The following BTNL3 variants were observed in gnomAD, a reference collection of about 807,000 sequenced individuals.
BTNL3 encodes butyrophilin like 3, also known as butyrophilin-like protein 3.
Under a neutral mutation model 40.1 loss-of-function variants are expected in BTNL3, and 20 were observed. The ratio of observed to expected loss-of-function variants is 0.50; its 90% CI spans 0.35 to 0.72. BTNL3 has a LOEUF of 0.72. BTNL3 is among the 30% of genes least tolerant of loss of function. The pLI, the probability that BTNL3 is intolerant of heterozygous loss-of-function variation, is 0.01. For synonymous variants in BTNL3, 179 were observed against 222.1 expected (o/e 0.81, Z 1.73); for missense variants, 449 against 582.2 (o/e 0.77, Z 2.35).
At chr5:180,994,786 T>C (rs1460716963) in intron 2 of BTNL3, among the ~76,000 whole-genome samples, 1 of 134,236 alleles carries the variant, frequency 7.4e-6, no homozygotes, top group African/African-American at 2.6e-5. Context: ...TCAATAATTT[T>C]TTTTTTTTTT....
intron 3 of BTNL3, among the ~76,000 whole-genome samples, chr5:180,999,459 T>C (rs1409183430): frequency 7.3e-6 from 1 of 136,850 alleles, no homozygotes; most frequent in East Asian, 2.2e-4. Context: ...TTGAATAACT[T>C]TTTCCTTTTC....
intron 3 of BTNL3, among the ~76,000 whole-genome samples, chr5:181,001,835 A>C (rs1760115350): frequency 9.6e-6 from 1 of 104,078 alleles, no homozygotes; most frequent in African/African-American, 3.6e-5. Context: ...ACAGAGCGAG[A>C]CTCTGTCTCA....
chr5:180,997,498 G>A lies in BTNL3; in HGVS notation c.673+10G>A. 6.8e-7 allele frequency: 1 copy of A among 1,463,414 alleles called. No individual in the cohort carries two copies. Among genetic ancestry groups the A allele is most frequent in the Non-Finnish European group, 9.4e-7 (1 of 1,058,984 alleles). 90.7% of individuals were successfully genotyped at this position (1,463,414 alleles called of 1,614,324 possible). On this transcript the variant is annotated intron_variant, in intron 3 of 7. Coordinates refer to ENST00000342868, the MANE Select transcript of BTNL3 (RefSeq NM_197975.3). ...AAGGTATTGATAGGAGGTGAGTGGG[G>A]AGAAGGAGGAGCAAGGAATGGGTGT...
At position 180,997,522 on chromosome 5, in the gene BTNL3, G is replaced by A; in HGVS notation, c.673+34G>A. 8 of 1,461,664 alleles carry A rather than the reference G, an allele frequency of 5.5e-6. 2 individuals are homozygous for A. The highest frequency in any genetic ancestry group is 1.1e-5 in the South Asian group (1 of 88,856). 90.5% of individuals were successfully genotyped at this position (1,461,664 alleles called of 1,614,324 possible). ...GGAGAAGGAGGAGCAAGGAATGGGT[G>A]TGTGCATACGTAACCCAGGGTAGAG... On this transcript the variant is annotated intron_variant, in intron 3 of 7. Transcript: ENST00000342868.
intron 5 of BTNL3, 73 bp downstream of exon 5, chr5:181,003,949 G>A: frequency 1.2e-6 from 2 of 1,612,886 alleles, no homozygotes. Flanking sequence ...TTGAGCCTCT[G>A]GACGACCCTG....
In BTNL3 at chr5:181,002,376, G is replaced by GTATATATA. The variant is rs55873315; in HGVS notation, c.674-276_674-269dup. Among the ~76,000 whole-genome samples the GTATATATA allele has an allele frequency of 4.4e-4, 36 of 81,588 alleles. 3 individuals carry two copies. In the East Asian group the frequency reaches 7.7e-3, roughly 17 times the overall value. The allele number at this position is 81,588 out of a possible 152,430, so 53.5% of individuals were successfully genotyped here. On this transcript the variant is annotated intron_variant, in intron 3 of 7. Transcript: ENST00000342868. ...CACACACACACACACACGTGTGTGT[G>GTATATATA]TATATATATATATATATATATATAT... is the stretch of plus-strand genomic sequence containing the variant.
chr5:180,990,473 T>A lies in BTNL3; in HGVS notation c.49+1396T>A, dbSNP rs1218468497. ...TGTGTGGATTGCGTGAACTCGTGCA[T>A]GTAGAGCGTCCAGCACGGAGCTCCG... On this transcript the variant is annotated intron_variant, in intron 1 of 7. Transcript: ENST00000342868. Among the ~76,000 whole-genome samples, 14 of 138,052 alleles carry A rather than the reference T, an allele frequency of 1.0e-4. 6 individuals are homozygous for A. The Admixed American group carries it at 1.1e-3, about 10-fold the overall frequency. 90.6% of individuals were successfully genotyped at this position (138,052 alleles called of 152,430 possible). A position where few individuals can be genotyped will look rare whatever the true frequency, so the allele number is the denominator to read the frequency against.
intron 3 of BTNL3, 69 bp downstream of exon 3, chr5:180,997,557 G>T: frequency 6.9e-7 from 1 of 1,445,958 alleles, no homozygotes; most frequent in Non-Finnish European, 9.5e-7. Flanking sequence ...GCAGCAGCTT[G>T]TGTCTGGGAT....
intron 4 of BTNL3, 38 bp from the exon 5 acceptor site, chr5:181,003,818 T>C: frequency 6.2e-7 from 1 of 1,614,116 alleles, no homozygotes. Flanking sequence ...CCTTGCACAC[T>C]CCTGTGTCCA....
In BTNL3 at chr5:181,004,585, T is replaced by G. The variant is rs1320852762; in HGVS notation, c.835+142T>G. 3.8e-6 allele frequency: 6 copies of G among 1,568,088 alleles called. No homozygotes were observed. The East Asian group carries it at 9.0e-5, about 24-fold the overall frequency. ...CTGAAATTGCAGATTCTGGGGGAGG[T>G]GCATTTTGTAGAGAAGCCCCATAGC... On this transcript the variant is annotated intron_variant, in intron 6 of 7. Coordinates refer to ENST00000342868, the MANE Select transcript of BTNL3 (RefSeq NM_197975.3).
intron 3 of BTNL3, among the ~76,000 whole-genome samples, chr5:181,000,652 A>G (rs1158172332): frequency 7.8e-6 from 1 of 127,988 alleles, no homozygotes; most frequent in Non-Finnish European, 1.8e-5. Context: ...TAAAAATACA[A>G]AAAATTAGCC....
intron 1 of BTNL3, among the ~76,000 whole-genome samples, chr5:180,990,831 T>C (rs756687515): frequency 7.3e-6 from 1 of 136,800 alleles, no homozygotes; most frequent in African/African-American, 2.5e-5. Context: ...GAGGGTGCGC[T>C]AATGAGCAGG....
In BTNL3 at chr5:180,993,114, T is replaced by A. The variant is rs764911658; in HGVS notation, c.351T>A (p.Ser117Arg). 2.8e-6 allele frequency: 4 copies of A among 1,449,182 alleles called. 1 individual carries two copies. The highest frequency in any genetic ancestry group is 5.0e-5 in the East Asian group (2 of 40,400). 89.8% of individuals were successfully genotyped at this position (1,449,182 alleles called of 1,614,324 possible). A position where few individuals can be genotyped will look rare whatever the true frequency, so the allele number is the denominator to read the frequency against. ...SDIGLYGCWF[S>R]SQIYDEEATW... ...TCGGCCTGTATGGGTGCTGGTTCAG[T>A]TCCCAGATTTACGATGAGGAGGCCA... The change falls in exon 2 of 8, where the codon AGT becomes AGA. Residue 117 changes from serine to arginine, a missense_variant. By Grantham distance (110) the Ser-to-Arg change is moderately radical. Around this residue, in one of 2 missense-constraint regions of BTNL3, gnomAD observed 323 missense variants for 464.9 expected, o/e 0.69. Transcript: ENST00000342868.
chr5:181,006,068 G>C lies in BTNL3; in HGVS notation c.*196G>C. On this transcript the variant is annotated 3_prime_UTR_variant, in exon 8 of 8. Transcript: ENST00000342868. The stretch of plus-strand genomic sequence containing the variant: ...GCGGCAGTCACAGCTTCCAGATGAG[G>C]GGGGATTGGCCTGACCCTGTGGGAG... The C allele has an allele frequency of 3.3e-6, 2 of 613,160 alleles. No homozygotes were observed. The highest frequency in any genetic ancestry group is 5.4e-6 in the Non-Finnish European group (2 of 370,988). 38.0% of individuals were successfully genotyped at this position (613,160 alleles called of 1,614,324 possible).
chr5:180,993,075 C>A lies in BTNL3; in HGVS notation c.312C>A (p.Ile104=), dbSNP rs1473439591. Residue 104 remains isoleucine, a synonymous_variant, in exon 2 of 8, where the codon ATC becomes ATA. Transcript: ENST00000342868. ...GGRVSLRLKN[I]TPSDIGLYGC... is the part of the protein sequence containing the mutation. ...GTGTCTCTCTAAGGCTAAAAAACAT[C>A]ACTCCCTCGGACATCGGCCTGTATG... is the stretch of plus-strand genomic sequence containing the variant. 1 of 1,453,898 alleles carries A rather than the reference C, an allele frequency of 6.9e-7. No homozygotes were observed. The highest frequency in any genetic ancestry group is 1.9e-5 in the Admixed American group (1 of 51,680). 90.1% of individuals were successfully genotyped at this position (1,453,898 alleles called of 1,614,324 possible).
chr5:180,995,570 G>A (rs1760025764), intron 2 of BTNL3, among the ~76,000 whole-genome samples: 1 of 136,584 alleles, frequency 7.3e-6, no homozygotes, highest in Non-Finnish European at 1.7e-5. Context: ...ATCCTTTCTA[G>A]TACTAACTGT....
In BTNL3 at chr5:181,005,672, A is replaced by T. The variant is rs1246544089; in HGVS notation, c.1201A>T (p.Ser401Cys). Reference protein sequence around the residue: ...FNPHFISLPPSTPPTRVGVFL... With the variant: ...FNPHFISLPPCTPPTRVGVFL... ...TCCCCATTTTATCAGCCTCCCCCCC[A>T]GCACCCCTCCTACACGAGTAGGGGT... Residue 401 changes from serine (S) to cysteine (C), a missense_variant, in exon 8 of 8, where the codon AGC becomes TGC. Ser to Cys is a moderately radical substitution (Grantham distance 112). This residue lies in a region of BTNL3 where 126 missense variants were observed against 117.2 expected (regional missense o/e 1.07). Coordinates refer to ENST00000342868, the MANE Select transcript of BTNL3 (RefSeq NM_197975.3). 1 of 1,613,918 alleles carries T rather than the reference A, an allele frequency of 6.2e-7. No individual in the cohort carries two copies. The highest frequency in any genetic ancestry group is 2.2e-5 in the East Asian group (1 of 44,882).
chr5:181,001,698 A>G (rs540271210), intron 3 of BTNL3, among the ~76,000 whole-genome samples: 14 of 134,000 alleles, frequency 1.0e-4, no homozygotes, highest in African/African-American at 3.6e-4. Flanking sequence ...ACAAAAAATT[A>G]GCTAGGCGTG....
chr5:181,005,406 G>C lies in BTNL3; in HGVS notation c.935G>C (p.Arg312Thr). Residue 312 changes from arginine to threonine, a missense_variant, in exon 8 of 8, where the codon AGA becomes ACA. Transcript: ENST00000342868. ...CVSDLKTVTH[R>T]KAPQEVPHSE... ...TCTGATCTGAAAACTGTAACCCATA[G>C]AAAAGCTCCCCAGGAGGTGCCTCAC... The C allele has an allele frequency of 6.2e-7, 1 of 1,613,972 alleles. No individual in the cohort carries two copies. The highest frequency in any genetic ancestry group is 8.5e-7 in the Non-Finnish European group (1 of 1,179,974).
Sources: gnomAD v4.1 joint callset for allele counts (sites outside exome capture counted in the v4.1 genomes callset) on GRCh38, gnomAD v4.1.1 for gene constraint, gnomAD v4.1.1 regional missense constraint, MANE v1.5 for transcripts, NCBI Gene and HGNC (gene_info 2026-07-23, HGNC 2026-07-21) for gene names.